Variants in PANK4 observed in about 807,000 individuals in gnomAD.
The protein encoded by PANK4 is 4'-phosphopantetheine phosphatase.
PANK4 carries 40 observed loss-of-function variants against 87.9 expected under a neutral mutation model. The ratio of observed to expected loss-of-function variants is 0.46; its 90% CI spans 0.35 to 0.59. The LOEUF (loss-of-function observed/expected upper bound fraction) is 0.59. PANK4 is among the 20% of genes least tolerant of loss of function. The pLI, the probability that PANK4 is intolerant of heterozygous loss-of-function variation, is 0.00. For missense variants in PANK4, 926 were observed against 1,072.3 expected (o/e 0.86, Z 1.90); for synonymous variants, 524 against 467.4 (o/e 1.12, Z -1.56).
chr1:2,512,822 C>T (rs568069354), intron 13 of PANK4, 66 bp downstream of exon 13: 112 of 1,552,572 alleles, frequency 7.2e-5, no homozygotes, highest in Non-Finnish European at 9.3e-5. Context: ...CCTCCTTGCC[C>T]GCAAGCCTGG....
At chr1:2,518,682 CG>C in intron 7 of PANK4, 85 bp from the exon 8 acceptor site, 1 of 1,163,132 alleles carries the variant, frequency 8.6e-7, no homozygotes, top group Non-Finnish European at 1.3e-6. Flanking sequence ...GCGCGGGCCT[CG>C]CACCGCGCGG....
chr1:2,526,519 G>T lies in PANK4; in HGVS notation c.69C>A (p.Pro23=), dbSNP rs748684474. 6.3e-7 allele frequency: 1 copy of T among 1,587,512 alleles called. No homozygotes were observed. The highest frequency in any genetic ancestry group is 8.6e-7 in the Non-Finnish European group (1 of 1,168,648). ...CCAGGTTGCGGAAGATCTCGTCGGG[G>T]GGCAGCGTGATGCTCTTGTCCAGAC... ...GDSLDKSITL[P]PDEIFRNLEN... Residue 23 remains proline, a synonymous_variant, in exon 1 of 19, where the codon CCC becomes CCA. Transcript: ENST00000378466.
rs891117825 is a variant in PANK4, at chr1:2,519,710, T to C, written c.853+91A>G. ...ACCCCGACTCTCCAGGGAGCAGTTG[T>C]GGGAAAGCAATGGTGGGGGAAGCTC... On this transcript the variant is annotated intron_variant, in intron 6 of 18. Coordinates refer to ENST00000378466, the MANE Select transcript of PANK4 (RefSeq NM_018216.4). This position sits in a 1 kb window ranked among gnomAD's most constrained non-coding sequence, Gnocchi z 8.3. 7.5e-7 allele frequency: 1 copy of C among 1,328,080 alleles called. No individual in the cohort carries two copies. Among genetic ancestry groups the C allele is most frequent in the Admixed American group, 2.5e-5 (1 of 40,354 alleles). The allele number at this position is 1,328,080 out of a possible 1,614,324, so 82.3% of individuals were successfully genotyped here. A position where few individuals can be genotyped will look rare whatever the true frequency, so the allele number is the denominator to read the frequency against.
At chr1:2,512,700 G>T (rs530750811) in intron 13 of PANK4, 188 bp downstream of exon 13, 47 of 615,528 alleles carry the variant, frequency 7.6e-5, no homozygotes, top group Non-Finnish European at 1.3e-4. Flanking sequence ...ACAGACAAGG[G>T]CGCTGCGCCC....
intron 10 of PANK4, among the ~76,000 whole-genome samples, chr1:2,514,936 G>A (rs1048226277): frequency 6.6e-6 from 1 of 152,056 alleles, no homozygotes; most frequent in Non-Finnish European, 1.5e-5. Context: ...TGCCGGGGAC[G>A]AGGGGCTCTG....
intron 9 of PANK4, 122 bp downstream of exon 9, chr1:2,518,042 G>A (rs1431205831): frequency 1.0e-5 from 6 of 582,040 alleles, no homozygotes; most frequent in Admixed American, 3.4e-5. Context: ...GGGAGGATTC[G>A]CCATGGGCAG....
rs143275045 is a variant in PANK4, at chr1:2,526,571, G to C, written c.17C>G (p.Ala6Gly). The C allele has an allele frequency of 0.027, 43,727 of 1,600,558 alleles. 738 individuals are homozygous for C. The highest frequency in any genetic ancestry group is 0.065 in the Middle Eastern group (393 of 6,010). Reference protein sequence around the residue: MAECGASGSGSSGDSL... With the variant: MAECGGSGSGSSGDSL... Reference sequence around the variant, plus strand: ...GTCCCCGCTGCTCCCGCTGCCGCTCGCTCCACACTCCGCCATTTTGAAAGT... The same window carrying C: ...GTCCCCGCTGCTCCCGCTGCCGCTCCCTCCACACTCCGCCATTTTGAAAGT... Residue 6 changes from alanine (A) to glycine (G), a missense_variant, in exon 1 of 19, where the codon GCG becomes GGG. Transcript: ENST00000378466.
chr1:2,520,086 G>T lies in PANK4; in HGVS notation c.700-132C>A. Reference sequence around the variant, plus strand: ...TGGGCCCTCATCGCGTGGGACCAAAGGCAGGAGGCGGCAAGCGGGACCCTC... The same window carrying T: ...TGGGCCCTCATCGCGTGGGACCAAATGCAGGAGGCGGCAAGCGGGACCCTC... On this transcript the variant is annotated intron_variant, in intron 5 of 18. Transcript: ENST00000378466. This position sits in a 1 kb window ranked among gnomAD's most constrained non-coding sequence, Gnocchi z 6.2. 4 of 913,504 alleles carry T rather than the reference G, an allele frequency of 4.4e-6. No individual in the cohort carries two copies. Among genetic ancestry groups the T allele is most frequent in the Non-Finnish European group, 6.5e-6 (4 of 616,774 alleles). The allele number at this position is 913,504 out of a possible 1,614,324, so 56.6% of individuals were successfully genotyped here. A position where few individuals can be genotyped will look rare whatever the true frequency, so the allele number is the denominator to read the frequency against.
chr1:2,510,192 G>C lies in PANK4; in HGVS notation c.1939-35C>G. 1 of 1,364,920 alleles carries C rather than the reference G, an allele frequency of 7.3e-7. No individual in the cohort carries two copies. Among genetic ancestry groups the C allele is most frequent in the Middle Eastern group, 2.0e-4 (1 of 5,076 alleles). 84.6% of individuals were successfully genotyped at this position (1,364,920 alleles called of 1,614,324 possible). On this transcript the variant is annotated intron_variant, in intron 16 of 18. Transcript: ENST00000378466. The surrounding 1 kb of genome is among the most constrained non-coding windows in gnomAD (Gnocchi z 4.9). Reference sequence around the variant, plus strand: ...GAGGGCCCAGGCTCTTTAGGAACCTGTGCTGGCCCAGCATGGAGCCTGCGT... The same window carrying C: ...GAGGGCCCAGGCTCTTTAGGAACCTCTGCTGGCCCAGCATGGAGCCTGCGT...
Position 2,519,098 on chromosome 1 carries a change from T to C in PANK4, c.1035+45A>G, listed in dbSNP as rs1557444579. On this transcript the variant is annotated intron_variant, in intron 7 of 18. Coordinates refer to ENST00000378466, the MANE Select transcript of PANK4 (RefSeq NM_018216.4). The surrounding 1 kb of genome is among the most constrained non-coding windows in gnomAD (Gnocchi z 8.3). ...CCAGCATGACTGATTGGGAAGATCC[T>C]GGGGGGTCTGCGTTAGAGGCTGGGG... The C allele has an allele frequency of 1.3e-6, 2 of 1,559,578 alleles. No individual in the cohort carries two copies.
At chr1:2,512,722 T>G (rs1343593312) in intron 13 of PANK4, 166 bp downstream of exon 13, 24 of 682,540 alleles carry the variant, frequency 3.5e-5, no homozygotes, top group Admixed American at 1.5e-4. Context: ...GCCCAGCCCC[T>G]GGCGCTGCTG....
chr1:2,521,377 G>A (rs897891092), intron 2 of PANK4, 62 bp from the exon 3 acceptor site: 25 of 1,283,884 alleles, frequency 1.9e-5, no homozygotes, highest in Non-Finnish European at 1.0e-5. Context: ...TGGGCTGTGC[G>A]CACCCTGCCC....
chr1:2,510,888 G>A lies in PANK4; in HGVS notation c.1834-106C>T, dbSNP rs982393571. ...TGCCCTGCAGGGGCCGAGACTGGGG[G>A]CTTCAGGGCCCCAGAGATGCCAGGG... is the stretch of plus-strand genomic sequence containing the variant. On this transcript the variant is annotated intron_variant, in intron 15 of 18. Transcript: ENST00000378466. The surrounding 1 kb of genome is among the most constrained non-coding windows in gnomAD (Gnocchi z 4.9). The A allele has an allele frequency of 2.8e-6, 2 of 712,932 alleles. No individual in the cohort carries two copies. The highest frequency in any genetic ancestry group is 2.5e-6 in the Non-Finnish European group (1 of 400,036). The allele number at this position is 712,932 out of a possible 1,614,324, so 44.2% of individuals were successfully genotyped here. A position where few individuals can be genotyped will look rare whatever the true frequency, so the allele number is the denominator to read the frequency against.
At chr1:2,518,467 C>T in intron 8 of PANK4, 49 bp downstream of exon 8, 1 of 1,487,602 alleles carries the variant, frequency 6.7e-7, no homozygotes, top group Admixed American at 2.0e-5. Flanking sequence ...CAGGCCCAGG[C>T]CACAGCTGAG....
chr1:2,520,933 A>G lies in PANK4; in HGVS notation c.423-27T>C. The G allele has an allele frequency of 6.5e-7, 1 of 1,541,402 alleles. No homozygotes were observed. The highest frequency in any genetic ancestry group is 8.7e-7 in the Non-Finnish European group (1 of 1,144,706). On this transcript the variant is annotated intron_variant, in intron 3 of 18. Transcript: ENST00000378466. This position sits in a 1 kb window ranked among gnomAD's most constrained non-coding sequence, Gnocchi z 6.2. ...TGAAAAGGAAGCGCCAACCCCTTAA[A>G]GAGTCTGGGCCACAGACAGGTGCAA...
chr1:2,511,278 AC>A, intron 15 of PANK4, 59 bp downstream of exon 15: 1 of 1,237,254 alleles, frequency 8.1e-7, no homozygotes, highest in Non-Finnish European at 1.2e-6. Context: ...CCCTCCAGTG[AC>A]CACCCCCCCG....
Position 2,510,849 on chromosome 1 carries a change from G to A in PANK4, c.1834-67C>T. 1.1e-6 allele frequency: 1 copy of A among 929,878 alleles called. No individual in the cohort carries two copies. Among genetic ancestry groups the A allele is most frequent in the Non-Finnish European group, 1.8e-6 (1 of 561,500 alleles). The allele number at this position is 929,878 out of a possible 1,614,324, so 57.6% of individuals were successfully genotyped here. On this transcript the variant is annotated intron_variant, in intron 15 of 18. Coordinates refer to ENST00000378466, the MANE Select transcript of PANK4 (RefSeq NM_018216.4). This position sits in a 1 kb window ranked among gnomAD's most constrained non-coding sequence, Gnocchi z 4.9. ...TCCAAGCGAGTCAGTCCGCACCCCTGCTGCCCGTCACGCTGCCCTGCAGGG... is the reference window on the plus strand; with the variant it reads ...TCCAAGCGAGTCAGTCCGCACCCCTACTGCCCGTCACGCTGCCCTGCAGGG...
intron 1 of PANK4, among the ~76,000 whole-genome samples, chr1:2,522,818 A>AGGGCACCG (rs1643887820): frequency 1.9e-3 from 1 of 540 alleles, no homozygotes. Context: ...AGGGCACTGG[A>AGGGCACCG]TGGTGCTATA....
intron 9 of PANK4, among the ~76,000 whole-genome samples, chr1:2,516,888 T>C (rs1478729533): frequency 2.6e-5 from 4 of 152,216 alleles, no homozygotes; most frequent in Admixed American, 6.5e-5. Context: ...CAATATAAAC[T>C]GAAATAAATG....
Sources: gnomAD v4.1 joint callset for allele counts (sites outside exome capture counted in the v4.1 genomes callset) on GRCh38, gnomAD v4.1.1 for gene constraint, Gnocchi (gnomAD v3.1) non-coding constraint, MANE v1.5 for transcripts, NCBI Gene and HGNC (gene_info 2026-07-23, HGNC 2026-07-21) for gene names.